RGS22: variants seen among roughly 807,000 people sequenced by gnomAD.
The protein encoded by RGS22 is regulator of G-protein signaling 22.
RGS22 carries 148 observed loss-of-function variants against 172.9 expected under a neutral mutation model. The observed-to-expected ratio is 0.86, with a 90% CI of 0.75 to 0.98. The LOEUF (loss-of-function observed/expected upper bound fraction) is 0.98. RGS22 is among the 50% of genes least tolerant of loss of function. The pLI is 0.00. For missense variants in RGS22, 1,347 were observed against 1,440.8 expected, an observed-to-expected ratio of 0.93 and a Z score of 1.05; for synonymous variants, 458 against 480.2, an observed-to-expected ratio of 0.95 and a Z score of 0.60.
Position 99,985,299 on chromosome 8 carries a change from T to C in RGS22, c.3180+2159A>G, listed in dbSNP as rs1270020003. The stretch of plus-strand genomic sequence containing the variant: ...TATTACATGAAAAGCACTAAGACAA[T>C]ATCTGGCACATAGTAAACACTTAAT... On this transcript the variant is annotated intron_variant, in intron 21 of 27. Coordinates refer to ENST00000360863, the MANE Select transcript of RGS22 (RefSeq NM_015668.5). Among the ~76,000 whole-genome samples the C allele has an allele frequency of 7.9e-5, 12 of 152,168 alleles. 1 individual carries two copies. Among genetic ancestry groups the C allele is most frequent in the Admixed American group, 7.2e-4 (11 of 15,272 alleles).
intron 19 of RGS22, among the ~76,000 whole-genome samples, chr8:99,998,371 A>G (rs1231392766): frequency 6.7e-6 from 1 of 148,860 alleles, no homozygotes; most frequent in Non-Finnish European, 1.5e-5. Flanking sequence ...TATGAAACTT[A>G]AAGGTGGTAC....
intron 21 of RGS22, among the ~76,000 whole-genome samples, chr8:99,985,973 T>G (rs1245565687): frequency 6.6e-6 from 1 of 152,154 alleles, no homozygotes; most frequent in Non-Finnish European, 1.5e-5. Flanking sequence ...TCAAAAAAAT[T>G]ATTTTAATAT....
chr8:100,030,746 T>C (rs1818702260), intron 14 of RGS22, among the ~76,000 whole-genome samples: 1 of 152,118 alleles, frequency 6.6e-6, no homozygotes, highest in Non-Finnish European at 1.5e-5. Flanking sequence ...TTCAAACAAA[T>C]AGGGTCTACT....
At chr8:100,091,827 A>G (rs1486063479) in intron 3 of RGS22, 1 of 152,172 alleles carries the variant, frequency 6.6e-6, no homozygotes, top group East Asian at 1.9e-4. Context: ...TTGTCATGCT[A>G]CTGGGTCTTA....
Position 99,961,171 on chromosome 8 carries a change from TCAGCA to T in RGS22, c.*66_*70del. On this transcript the variant is annotated 3_prime_UTR_variant, in exon 28 of 28. Coordinates refer to ENST00000360863, the MANE Select transcript of RGS22 (RefSeq NM_015668.5). ...AAACAAATCACTGGAGCTTCTCATGTCAGCAGAATCTGGTTTAAAGAATTCCTGCA... is the reference window on the plus strand; with the variant it reads ...AAACAAATCACTGGAGCTTCTCATGTGAATCTGGTTTAAAGAATTCCTGCA... The T allele has an allele frequency of 2.2e-6, 1 of 453,444 alleles. No homozygotes were observed. Among genetic ancestry groups the T allele is most frequent in the Non-Finnish European group, 4.4e-6 (1 of 225,622 alleles). 28.1% of individuals were successfully genotyped at this position (453,444 alleles called of 1,614,324 possible). A position where few individuals can be genotyped will look rare whatever the true frequency, so the allele number is the denominator to read the frequency against.
intron 2 of RGS22, among the ~76,000 whole-genome samples, chr8:100,103,006 GTTGTT>G (rs1489587602): frequency 2.6e-5 from 4 of 152,284 alleles, no homozygotes; most frequent in Admixed American, 1.3e-4. Context: ...ACCTAATAGG[GTTGTT>G]TTGAGACTAA....
At chr8:100,068,201 C>T (rs1254856111) in intron 6 of RGS22, among the ~76,000 whole-genome samples, 1 of 151,968 alleles carries the variant, frequency 6.6e-6, no homozygotes, top group East Asian at 1.9e-4. Flanking sequence ...CCAGTCTGGG[C>T]AACATAGACC....
At chr8:100,036,101 CATA>C (rs1343201278) in intron 14 of RGS22, among the ~76,000 whole-genome samples, 1 of 150,012 alleles carries the variant, frequency 6.7e-6, no homozygotes, top group Non-Finnish European at 1.5e-5. Context: ...GAACTTAAAA[CATA>C]ATAACAATTT....
intron 11 of RGS22, among the ~76,000 whole-genome samples, chr8:100,043,420 A>G (rs2131616192): frequency 6.6e-6 from 1 of 152,330 alleles, no homozygotes; most frequent in South Asian, 2.1e-4. Flanking sequence ...AACAGACTCA[A>G]GTCTTCACAT....
At chr8:99,970,383 AG>A (rs1321004300) in intron 23 of RGS22, among the ~76,000 whole-genome samples, 2 of 152,222 alleles carry the variant, frequency 1.3e-5, no homozygotes, top group African/African-American at 4.8e-5. Context: ...AACTAAGATC[AG>A]AGCAAAACTA....
chr8:99,988,786 T>C (rs1813381537), intron 20 of RGS22, among the ~76,000 whole-genome samples: 1 of 152,156 alleles, frequency 6.6e-6, no homozygotes, highest in South Asian at 2.1e-4. Flanking sequence ...GGTGGTGCCA[T>C]TAACCCGGAT....
chr8:100,019,325 TAGTTATGTTAATGG>T (rs1284920881), intron 14 of RGS22, among the ~76,000 whole-genome samples: 15 of 152,268 alleles, frequency 9.9e-5, no homozygotes, highest in Non-Finnish European at 2.1e-4. Context: ...TTTCAGCTGT[TAGTTATGTTAATGG>T]AACAGTTTCA....
At chr8:99,996,717 C>T (rs956572254) in intron 19 of RGS22, among the ~76,000 whole-genome samples, 187 bp from the exon 20 acceptor site, 1 of 152,108 alleles carries the variant, frequency 6.6e-6, no homozygotes, top group Non-Finnish European at 1.5e-5. Flanking sequence ...TCTGAACACT[C>T]TAACCTCATC....
chr8:100,011,944 T>C (rs960638367), intron 14 of RGS22, among the ~76,000 whole-genome samples: 2 of 151,892 alleles, frequency 1.3e-5, no homozygotes, highest in Non-Finnish European at 2.9e-5. Context: ...AATAAAATGA[T>C]AATAACGAAT....
chr8:100,093,523 AC>A lies in RGS22; in HGVS notation c.55-15del, dbSNP rs778741376. 1.3e-6 allele frequency: 2 copies of A among 1,519,224 alleles called. No homozygotes were observed. Among genetic ancestry groups the A allele is most frequent in the Non-Finnish European group, 1.8e-6 (2 of 1,104,578 alleles). 94.1% of individuals were successfully genotyped at this position (1,519,224 alleles called of 1,614,324 possible). A position where few individuals can be genotyped will look rare whatever the true frequency, so the allele number is the denominator to read the frequency against. On this transcript the variant is annotated splice_polypyrimidine_tract_variant and intron_variant, in intron 2 of 27. Transcript: ENST00000360863. ...CAGAGAATCTTCCTGCAAAAAAAAA[AC>A]ATAAAAACACAGTATTATAATTATA...
rs146162966 is a variant in RGS22 at position 100,069,828 on chromosome 8, G to A, written c.594+1541C>T. On this transcript the variant is annotated intron_variant, in intron 6 of 27. Coordinates refer to ENST00000360863, the MANE Select transcript of RGS22 (RefSeq NM_015668.5). ...GAGCAGAGCACCTGACCTCGTGATCGACCAGCCTGACCAACATGGTGAAAC... is the reference window on the plus strand; with the variant it reads ...GAGCAGAGCACCTGACCTCGTGATCAACCAGCCTGACCAACATGGTGAAAC... 1.8e-3 allele frequency among the ~76,000 whole-genome samples: 277 copies of A among 151,858 alleles called. 1 individual carries two copies. Among genetic ancestry groups the A allele is most frequent in the African/African-American group, 6.0e-3 (250 of 41,464 alleles).
In RGS22 at chr8:100,051,682, CAT is replaced by C. The variant is rs572506506; in HGVS notation, c.1689+1118_1689+1119del. Among the ~76,000 whole-genome samples, 101 of 17,162 alleles carry C rather than the reference CAT, an allele frequency of 5.9e-3. 31 individuals are homozygous for C. The highest frequency in any genetic ancestry group is 7.6e-3 in the Non-Finnish European group (90 of 11,788). 11.3% of individuals were successfully genotyped at this position (17,162 alleles called of 152,430 possible). ...AAATATATATTTATATATGTTTATA[CAT>C]ATATATATTTATATATACGTATATA... On this transcript the variant is annotated intron_variant, in intron 10 of 27. Transcript: ENST00000360863.
intron 9 of RGS22, among the ~76,000 whole-genome samples, chr8:100,059,727 G>A (rs1809955693): frequency 6.6e-6 from 1 of 152,160 alleles, no homozygotes; most frequent in South Asian, 2.1e-4. Flanking sequence ...GCATTGGACA[G>A]ATCCTCCAGA....
At chr8:100,087,945 TATC>T (rs1812282019) in intron 3 of RGS22, among the ~76,000 whole-genome samples, 1 of 152,168 alleles carries the variant, frequency 6.6e-6, no homozygotes, top group Non-Finnish European at 1.5e-5. Flanking sequence ...CTACAAGTCT[TATC>T]AAAACACCCA....
Sources: gnomAD v4.1 joint callset for allele counts (sites outside exome capture counted in the v4.1 genomes callset) on GRCh38, gnomAD v4.1.1 for gene constraint, MANE v1.5 for transcripts, NCBI Gene and HGNC (gene_info 2026-07-23, HGNC 2026-07-21) for gene names.